Variants in EXOC2 observed in about 807,000 individuals in gnomAD.
EXOC2 encodes the protein SEC5-like 1.
Under a neutral mutation model 131.8 loss-of-function variants are expected in EXOC2, and 70 were observed. The observed-to-expected ratio is 0.53, with a 90% CI of 0.44 to 0.65. The LOEUF (loss-of-function observed/expected upper bound fraction) is 0.65. Among genes scored for constraint, EXOC2 ranks in the 30% least tolerant of loss-of-function variants. The pLI is 0.00. For missense variants in EXOC2, 923 were observed against 1,108.6 expected, an observed-to-expected ratio of 0.83 and a Z score of 2.38; for synonymous variants, 411 against 398.4, an observed-to-expected ratio of 1.03 and a Z score of -0.38.
chr6:589,387 C>T (rs993424575), intron 11 of EXOC2, among the ~76,000 whole-genome samples: 2 of 152,146 alleles, frequency 1.3e-5, no homozygotes, highest in African/African-American at 4.8e-5. Context: ...TGTCCAGCAC[C>T]CGCACGGTGT....
intron 22 of EXOC2, 97 bp from the exon 23 acceptor site, chr6:532,707 C>T (rs766031550): frequency 2.2e-5 from 26 of 1,184,854 alleles, no homozygotes; most frequent in Non-Finnish European, 2.8e-5. Context: ...ATAATAAAAG[C>T]ACTTCTCAAT....
chr6:640,723 A>G (rs1189703780), intron 1 of EXOC2, among the ~76,000 whole-genome samples: 1 of 152,102 alleles, frequency 6.6e-6, no homozygotes, highest in Non-Finnish European at 1.5e-5. Flanking sequence ...GAGGCCTAAA[A>G]CAGATCATTC....
intron 22 of EXOC2, among the ~76,000 whole-genome samples, chr6:541,418 T>C (rs1216942167): frequency 6.6e-6 from 1 of 151,744 alleles, no homozygotes; most frequent in Non-Finnish European, 1.5e-5. Context: ...AAGATTAGAG[T>C]CCAAATTACT....
chr6:683,927 C>T (rs1024498261), intron 1 of EXOC2, among the ~76,000 whole-genome samples: 15 of 152,232 alleles, frequency 9.9e-5, no homozygotes, highest in African/African-American at 3.4e-4. Context: ...GAGTTCAGAA[C>T]GCACCGCAGC....
At chr6:664,470 C>T (rs925842200) in intron 1 of EXOC2, among the ~76,000 whole-genome samples, 1 of 152,048 alleles carries the variant, frequency 6.6e-6, no homozygotes, top group East Asian at 1.9e-4. Context: ...AAAAAGAGCC[C>T]GCATAGCCAA....
chr6:644,546 A>G (rs1311953592), intron 1 of EXOC2, among the ~76,000 whole-genome samples: 1 of 152,116 alleles, frequency 6.6e-6, no homozygotes, highest in Non-Finnish European at 1.5e-5. Flanking sequence ...AAAGATGGCA[A>G]AGGAAGAAGT....
chr6:487,290 C>T (rs192614481), intron 27 of EXOC2, among the ~76,000 whole-genome samples: 12 of 148,788 alleles, frequency 8.1e-5, no homozygotes, highest in Admixed American at 4.8e-4. Context: ...GAGTGGGGAG[C>T]GAAAGCAGTG....
chr6:678,172 A>G (rs1044042541), intron 1 of EXOC2, among the ~76,000 whole-genome samples: 4 of 152,198 alleles, frequency 2.6e-5, no homozygotes, highest in African/African-American at 7.2e-5. Context: ...CATTAACAGC[A>G]CACTTTTGCC....
Position 646,891 on chromosome 6 carries a change from G to C in EXOC2, c.-43-9030C>G, listed in dbSNP as rs1391165403. 2.0e-5 allele frequency among the ~76,000 whole-genome samples: 3 copies of C among 152,118 alleles called. No individual in the cohort carries two copies. In the East Asian group the frequency reaches 5.8e-4, roughly 29 times the overall value. On this transcript the variant is annotated intron_variant, in intron 1 of 27. Coordinates refer to ENST00000230449, the MANE Select transcript of EXOC2 (RefSeq NM_018303.6). ...TGGTAGCATATTAATAAAAATTATA[G>C]GACAGCAAAGGCATATTTCAACACA... is the stretch of plus-strand genomic sequence containing the variant.
chr6:555,498 T>A (rs140841872), intron 19 of EXOC2, among the ~76,000 whole-genome samples: 137 of 152,314 alleles, frequency 9.0e-4, no homozygotes, highest in African/African-American at 3.2e-3. Flanking sequence ...ACATAAGTAA[T>A]AGACAATTAG....
intron 1 of EXOC2, among the ~76,000 whole-genome samples, chr6:673,030 C>A (rs1437310012): frequency 6.6e-6 from 1 of 151,900 alleles, no homozygotes; most frequent in Admixed American, 6.6e-5. Context: ...GAGGCCAAGG[C>A]GGGCAGATCA....
At chr6:620,055 G>A (rs112198994) in intron 4 of EXOC2, among the ~76,000 whole-genome samples, 1,790 of 152,260 alleles carry the variant, frequency 0.012, 38 homozygotes, top group African/African-American at 0.04. Flanking sequence ...TCACATTTGC[G>A]TCCATGTCTA....
At chr6:557,668 T>C (rs1245095834) in intron 17 of EXOC2, among the ~76,000 whole-genome samples, 1 of 145,336 alleles carries the variant, frequency 6.9e-6, no homozygotes, top group African/African-American at 2.6e-5. Context: ...ACAATCATGA[T>C]GGGGGATCGG....
At chr6:565,473 T>A (rs982530641) in intron 13 of EXOC2, among the ~76,000 whole-genome samples, 2 of 152,194 alleles carry the variant, frequency 1.3e-5, no homozygotes, top group Admixed American at 6.5e-5. Context: ...ATTGTCTCTT[T>A]CCCCTTAATG....
chr6:498,139 G>T (rs1763847074), intron 24 of EXOC2, among the ~76,000 whole-genome samples: 1 of 152,066 alleles, frequency 6.6e-6, no homozygotes, highest in South Asian at 2.1e-4. Flanking sequence ...CCTTTTTTCA[G>T]ATTGAGCCAC....
intron 6 of EXOC2, among the ~76,000 whole-genome samples, chr6:615,084 A>G (rs1760914266): frequency 6.6e-6 from 1 of 152,176 alleles, no homozygotes; most frequent in South Asian, 2.1e-4. Context: ...TTAGAATGCA[A>G]TGCTAATAAA....
intron 22 of EXOC2, among the ~76,000 whole-genome samples, chr6:539,116 C>T (rs1457231779): frequency 1.3e-5 from 2 of 151,558 alleles, no homozygotes; most frequent in African/African-American, 4.8e-5. Flanking sequence ...AATGCGCTTA[C>T]GATATTTTCA....
intron 11 of EXOC2, among the ~76,000 whole-genome samples, chr6:584,566 C>T (rs1407668403): frequency 6.6e-6 from 1 of 152,138 alleles, no homozygotes; most frequent in Admixed American, 6.6e-5. Flanking sequence ...TTTAGCACAG[C>T]CTGTTATTCA....
At chr6:564,815 A>G (rs1435936682) in intron 14 of EXOC2, 49 bp downstream of exon 14, 2 of 1,587,484 alleles carry the variant, frequency 1.3e-6, no homozygotes, top group South Asian at 1.2e-5. Flanking sequence ...GTGAGAAAGG[A>G]AAAACCCTAC....
Sources: gnomAD v4.1 joint callset for allele counts (sites outside exome capture counted in the v4.1 genomes callset) on GRCh38, gnomAD v4.1.1 for gene constraint, MANE v1.5 for transcripts, NCBI Gene and HGNC (gene_info 2026-07-23, HGNC 2026-07-21) for gene names.